Variants in TJP2 observed in about 807,000 individuals in gnomAD.
The protein encoded by TJP2 is Friedreich ataxia region gene X104 (tight junction protein ZO-2).
TJP2 carries 91 observed loss-of-function variants against 133.1 expected under a neutral mutation model. The observed-to-expected ratio is 0.68, with a 90% confidence interval of 0.58 to 0.81. TJP2 has a LOEUF of 0.81. Among genes scored for constraint, TJP2 ranks in the 40% least tolerant of loss-of-function variants. The probability of loss-of-function intolerance (pLI) is 0.00; values close to 1 mark genes in which losing one functional copy is unlikely to be tolerated. For missense variants in TJP2, 1,541 were observed against 1,565.6 expected, an observed-to-expected ratio of 0.98 and a Z score of 0.26; for synonymous variants, 592 against 583.4, an observed-to-expected ratio of 1.01 and a Z score of -0.21.
chr9:69,177,561 G>GT (rs1326526189), intron 1 of TJP2, among the ~76,000 whole-genome samples: 1 of 152,018 alleles, frequency 6.6e-6, no homozygotes, highest in Non-Finnish European at 1.5e-5. Flanking sequence ...TGAAAAGGCT[G>GT]TGTGATAGCA....
chr9:69,212,624 A>C, intron 2 of TJP2, 23 bp downstream of exon 2: 1 of 1,572,058 alleles, frequency 6.4e-7, no homozygotes, highest in Non-Finnish European at 8.8e-7. Context: ...CATTTCATAT[A>C]TTCTACAGTC....
upstream of TJP2, among the ~76,000 whole-genome samples, chr9:69,169,427 C>G (rs774960967): frequency 4.7e-5 from 7 of 148,748 alleles, no homozygotes; most frequent in Non-Finnish European, 1.0e-4. Flanking sequence ...GGCGTGATCT[C>G]GGCTTACTGA....
intron 2 of TJP2, among the ~76,000 whole-genome samples, chr9:69,215,506 T>A (rs1828297877): frequency 6.6e-6 from 1 of 151,570 alleles, no homozygotes; most frequent in Non-Finnish European, 1.5e-5. Context: ...CACCTCAGCC[T>A]CCCAAGTATC....
At chr9:69,173,582 T>G (rs973156104), upstream of TJP2, among the ~76,000 whole-genome samples, 1 of 152,180 alleles carries the variant, frequency 6.6e-6, no homozygotes, top group African/African-American at 2.4e-5. Flanking sequence ...GTTTTAATAT[T>G]TAATACGAAC....
At chr9:69,198,416 A>G (rs1826751040) in intron 1 of TJP2, among the ~76,000 whole-genome samples, 1 of 152,234 alleles carries the variant, frequency 6.6e-6, no homozygotes, top group Non-Finnish European at 1.5e-5. Context: ...TGCTGGGATT[A>G]CAGGCGTGAG....
chr9:69,175,447 A>G (rs138433726), intron 1 of TJP2, among the ~76,000 whole-genome samples: 371 of 152,376 alleles, frequency 2.4e-3, no homozygotes, highest in African/African-American at 8.7e-3. Context: ...AGCGTAATTC[A>G]GAAAGAGATG....
At chr9:69,248,854 T>A (rs1312762703) in intron 19 of TJP2, 1 of 994,142 alleles carries the variant, frequency 1.0e-6, no homozygotes, top group Non-Finnish European at 1.2e-6. Flanking sequence ...AATGTTGGAA[T>A]AATGATCTTT....
chr9:69,220,058 G>A (rs751217643), intron 4 of TJP2, among the ~76,000 whole-genome samples: 12 of 152,182 alleles, frequency 7.9e-5, no homozygotes, highest in Non-Finnish European at 1.5e-4. Flanking sequence ...GGTGAGGCAC[G>A]AGAATCGCTT....
At chr9:69,213,102 C>T (rs7048648) in intron 2 of TJP2, among the ~76,000 whole-genome samples, 58,686 of 134,870 alleles carry the variant, frequency 0.44, 12,851 homozygotes, top group African/African-American at 0.54. Flanking sequence ...GCACTCTTGT[C>T]GCCCAGGCTG....
chr9:69,173,404 G>C (rs1157277782), upstream of TJP2, among the ~76,000 whole-genome samples: 1 of 152,146 alleles, frequency 6.6e-6, no homozygotes, highest in Non-Finnish European at 1.5e-5. Context: ...GACTTCGAAA[G>C]GAATAAGCAC....
chr9:69,224,973 A>G (rs1218420426), intron 5 of TJP2, among the ~76,000 whole-genome samples: 1 of 152,196 alleles, frequency 6.6e-6, no homozygotes, highest in East Asian at 1.9e-4. Context: ...GAAGATTAAC[A>G]TTAATATCCC....
At position 69,237,969 on chromosome 9, in the gene TJP2, T is replaced by A; in HGVS notation, c.2271T>A (p.Thr757=). Reference sequence around the variant, plus strand: ...ATGAGTTACCTGACTGGTTTCAAACTGCTAGTAAGTCTGTCAGTGTTTTTT... The same window carrying A: ...ATGAGTTACCTGACTGGTTTCAAACAGCTAGTAAGTCTGTCAGTGTTTTTT... ...LANELPDWFQ[T]AKTEPKDAGS... The change falls in exon 15 of 23, where the codon ACT becomes ACA. Residue 757 remains threonine (T), a synonymous_variant. Transcript: ENST00000377245. 1 of 1,610,750 alleles carries A rather than the reference T, an allele frequency of 6.2e-7. No homozygotes were observed. The highest frequency in any genetic ancestry group is 8.5e-7 in the Non-Finnish European group (1 of 1,176,938).
intron 19 of TJP2, chr9:69,248,453 C>A (rs760351456): frequency 4.8e-5 from 67 of 1,381,958 alleles, no homozygotes; most frequent in Admixed American, 2.8e-4. Context: ...ACTCCGCACA[C>A]CCATGCCCTC....
Position 69,234,558 on chromosome 9 carries a change from T to C in TJP2, c.1780+11T>C, listed in dbSNP as rs758833025. ...AGAGCCGAGCCGATGGTGAGCAAATTTGGTCATTTAGTTTAGTTGGGGTGG... is the reference window on the plus strand; with the variant it reads ...AGAGCCGAGCCGATGGTGAGCAAATCTGGTCATTTAGTTTAGTTGGGGTGG... On this transcript the variant is annotated intron_variant, in intron 12 of 22. Coordinates refer to ENST00000377245, the MANE Select transcript of TJP2 (RefSeq NM_004817.4). 6 of 1,573,428 alleles carry C rather than the reference T, an allele frequency of 3.8e-6. No homozygotes were observed. Among genetic ancestry groups the C allele is most frequent in the Non-Finnish European group, 5.2e-6 (6 of 1,158,052 alleles).
intron 3 of TJP2, 86 bp downstream of exon 3, chr9:69,216,549 T>G: frequency 7.0e-7 from 1 of 1,429,606 alleles, no homozygotes; most frequent in Non-Finnish European, 9.5e-7. Flanking sequence ...CCACTTTATT[T>G]AAAAAAAAGA....
chr9:69,178,702 GTTT>G (rs1157927537), intron 1 of TJP2, among the ~76,000 whole-genome samples: 2 of 152,192 alleles, frequency 1.3e-5, no homozygotes, highest in African/African-American at 4.8e-5. Flanking sequence ...CTAGCTGTTT[GTTT>G]TAACGTCTGG....
At chr9:69,172,804 C>G (rs927088052), upstream of TJP2, among the ~76,000 whole-genome samples, 6 of 152,010 alleles carry the variant, frequency 3.9e-5, no homozygotes, top group Non-Finnish European at 7.4e-5. Flanking sequence ...AACTCGTGGG[C>G]TCAAGTGATT....
upstream of TJP2, chr9:69,173,915 T>A (rs1271674689): frequency 2.5e-5 from 25 of 981,016 alleles, no homozygotes; most frequent in Non-Finnish European, 3.0e-5. Context: ...CGGGACCTGC[T>A]TGCTCCAGTG....
At chr9:69,135,161 A>G (rs1822675985) in intron 1 of TJP2, among the ~76,000 whole-genome samples, 1 of 152,146 alleles carries the variant, frequency 6.6e-6, no homozygotes, top group Admixed American at 6.5e-5. Context: ...GGAGATACAA[A>G]CACTCAGTCC....
Sources: allele counts gnomAD v4.1 joint callset (sites outside exome capture counted in the v4.1 genomes callset), GRCh38; gene constraint gnomAD v4.1.1; transcripts MANE v1.5; gene names NCBI Gene and HGNC (gene_info 2026-07-23, HGNC 2026-07-21).